The following MAML2 variants were observed in gnomAD, a reference collection of about 807,000 sequenced individuals.
MAML2 encodes mastermind like transcriptional coactivator 2.
MAML2 carries 22 observed loss-of-function variants against 96.1 expected under a neutral mutation model. The observed-to-expected ratio is 0.23, with a 90% confidence interval of 0.16 to 0.33. MAML2 has a LOEUF of 0.33. Among genes scored for constraint, MAML2 ranks in the 10% least tolerant of loss-of-function variants. The pLI, the probability that MAML2 is intolerant of heterozygous loss-of-function variation, is 1.00. For missense variants in MAML2, 1,367 were observed against 1,392.4 expected (o/e 0.98, Z 0.29); for synonymous variants, 561 against 521.3 (o/e 1.08, Z -1.04).
At chr11:96,158,680 G>A (rs147065777) in intron 1 of MAML2, among the ~76,000 whole-genome samples, 1 of 152,320 alleles carries the variant, frequency 6.6e-6, no homozygotes, top group East Asian at 1.9e-4. Flanking sequence ...AGACTACCAT[G>A]TGGAGAACTA....
chr11:96,011,568 A>G (rs1441967561), intron 2 of MAML2, among the ~76,000 whole-genome samples: 1 of 152,006 alleles, frequency 6.6e-6, no homozygotes, highest in East Asian at 1.9e-4. Flanking sequence ...GGACTCCAAA[A>G]GGGGGAGGGT....
intron 1 of MAML2, among the ~76,000 whole-genome samples, chr11:96,323,069 G>A (rs1196515579): frequency 1.3e-5 from 2 of 150,936 alleles, no homozygotes; most frequent in African/African-American, 4.9e-5. Flanking sequence ...TCAAGAAGCT[G>A]GATCATTTAT....
At chr11:96,071,474 G>A (rs1035799272) in intron 2 of MAML2, among the ~76,000 whole-genome samples, 1 of 152,246 alleles carries the variant, frequency 6.6e-6, no homozygotes, top group African/African-American at 2.4e-5. Context: ...AGTGTAGCCT[G>A]GAGTGGCAGC....
intron 1 of MAML2, among the ~76,000 whole-genome samples, chr11:96,156,009 A>T (rs1167234684): frequency 1.3e-5 from 2 of 152,170 alleles, no homozygotes; most frequent in East Asian, 3.9e-4. Context: ...ACAGAGGAAA[A>T]GTGTTGTGCT....
chr11:96,061,148 G>A (rs1245423212), intron 2 of MAML2, among the ~76,000 whole-genome samples: 1 of 152,212 alleles, frequency 6.6e-6, no homozygotes, highest in African/African-American at 2.4e-5. Context: ...TCTCCTTAAG[G>A]AACTTCTCTG....
rs751692242 is a variant in MAML2, at chr11:96,338,652, G to T, written c.513+2731C>A. ...TACAAAGCTTTCATCTGAGGACACA[G>T]CACATCTTTGATTTTAGATGATCAA... On this transcript the variant is annotated intron_variant, in intron 1 of 4. Coordinates refer to ENST00000524717, the MANE Select transcript of MAML2 (RefSeq NM_032427.4). Among the ~76,000 whole-genome samples, 91 of 152,190 alleles carry T rather than the reference G, an allele frequency of 6.0e-4. 1 individual carries two copies. Among genetic ancestry groups the T allele is most frequent in the Admixed American group, 4.3e-3 (66 of 15,278 alleles).
chr11:96,167,155 T>C (rs1424927705), intron 1 of MAML2, among the ~76,000 whole-genome samples: 2 of 152,194 alleles, frequency 1.3e-5, no homozygotes, highest in Admixed American at 6.5e-5. Context: ...GGAGTCCTTA[T>C]TTCAGTTAAT....
At chr11:96,103,930 C>T (rs946084294) in intron 1 of MAML2, among the ~76,000 whole-genome samples, 3 of 152,170 alleles carry the variant, frequency 2.0e-5, no homozygotes, top group African/African-American at 7.2e-5. Context: ...AGATGCAGGC[C>T]TTTTGCATAT....
chr11:96,023,582 A>T (rs1262609093), intron 2 of MAML2, among the ~76,000 whole-genome samples: 1 of 152,136 alleles, frequency 6.6e-6, no homozygotes, highest in Non-Finnish European at 1.5e-5. Context: ...CCACAGTGCT[A>T]CATGGGATGT....
At chr11:96,164,147 A>T (rs1275848718) in intron 1 of MAML2, among the ~76,000 whole-genome samples, 1 of 152,064 alleles carries the variant, frequency 6.6e-6, no homozygotes, top group Non-Finnish European at 1.5e-5. Flanking sequence ...AAGTGCTGTG[A>T]TTATAGGCAT....
At chr11:96,232,740 A>G (rs543961702) in intron 1 of MAML2, among the ~76,000 whole-genome samples, 2 of 152,254 alleles carry the variant, frequency 1.3e-5, no homozygotes, top group East Asian at 3.9e-4. Context: ...CAAAGTGCTT[A>G]GGATTAGAGG....
intron 1 of MAML2, among the ~76,000 whole-genome samples, chr11:96,225,747 C>T (rs1302794787): frequency 6.6e-6 from 1 of 151,836 alleles, no homozygotes; most frequent in Non-Finnish European, 1.5e-5. Flanking sequence ...GCAGGAGACT[C>T]ACTTGAATCT....
intron 2 of MAML2, among the ~76,000 whole-genome samples, chr11:96,087,470 C>G (rs1859636092): frequency 6.6e-6 from 1 of 152,172 alleles, no homozygotes; most frequent in Non-Finnish European, 1.5e-5. Context: ...AACCTTGTTC[C>G]CTTTTGCCAA....
intron 1 of MAML2, among the ~76,000 whole-genome samples, chr11:96,283,430 T>A (rs912004427): frequency 6.6e-6 from 1 of 152,222 alleles, no homozygotes; most frequent in Non-Finnish European, 1.5e-5. Context: ...CAAGAAACCA[T>A]GAGATGCCAT....
chr11:96,174,316 A>G (rs1205652786), intron 1 of MAML2, among the ~76,000 whole-genome samples: 1 of 152,214 alleles, frequency 6.6e-6, no homozygotes, highest in Non-Finnish European at 1.5e-5. Flanking sequence ...CCCCCAGGAC[A>G]CTGCCATCTA....
chr11:96,299,056 A>AG (rs1191083053), intron 1 of MAML2, among the ~76,000 whole-genome samples: 1 of 49,714 alleles, frequency 2.0e-5, no homozygotes, highest in African/African-American at 1.1e-4. Flanking sequence ...AAAAAAAAAA[A>AG]AAAAATATAT....
intron 1 of MAML2, among the ~76,000 whole-genome samples, chr11:96,246,849 G>A (rs1050925510): frequency 9.2e-5 from 14 of 152,106 alleles, no homozygotes; most frequent in African/African-American, 3.4e-4. Context: ...TGTCAATTAC[G>A]AATGGAGAAC....
At chr11:96,215,249 C>A (rs759697535) in intron 1 of MAML2, among the ~76,000 whole-genome samples, 1 of 152,172 alleles carries the variant, frequency 6.6e-6, no homozygotes, top group Non-Finnish European at 1.5e-5. Context: ...GGACTGTATG[C>A]CCCTTGAAAT....
chr11:96,190,416 C>T (rs963603945), intron 1 of MAML2, among the ~76,000 whole-genome samples: 1 of 152,152 alleles, frequency 6.6e-6, no homozygotes, highest in African/African-American at 2.4e-5. Flanking sequence ...TACTAGCCAC[C>T]TCTTTTAGAT....
Sources: allele counts gnomAD v4.1 joint callset (sites outside exome capture counted in the v4.1 genomes callset), GRCh38; gene constraint gnomAD v4.1.1; transcripts MANE v1.5; gene names NCBI Gene and HGNC (gene_info 2026-07-23, HGNC 2026-07-21).